Variants in PER2 observed in about 807,000 individuals in gnomAD.
The protein encoded by PER2 is period circadian regulator 2.
In PER2, 66 loss-of-function variants were observed where a neutral mutation model predicts 121.0. That is an observed-to-expected ratio of 0.55 (90% CI 0.45 to 0.67). The LOEUF is 0.67. PER2 is among the 30% of genes least tolerant of loss of function. PER2 has a pLI of 0.00. For missense variants in PER2, 1,521 were observed against 1,635.0 expected (o/e 0.93, Z 1.20); for synonymous variants, 684 against 659.9 (o/e 1.04, Z -0.56).
Position 238,252,717 on chromosome 2 carries a change from G to T in PER2, c.3111+195C>A, listed in dbSNP as rs1217786813. Among the ~76,000 whole-genome samples, 1 of 152,200 alleles carries T rather than the reference G, an allele frequency of 6.6e-6. No individual in the cohort carries two copies. Among genetic ancestry groups the T allele is most frequent in the African/African-American group, 2.4e-5 (1 of 41,430 alleles). ...CATTCAGATTCCACGACAATAAAAG[G>T]CTTCGAATAATCTACTCTGATAGGA... is the stretch of plus-strand genomic sequence containing the variant. On this transcript the variant is annotated intron_variant, in intron 19 of 22. Transcript: ENST00000254657. This position sits in a 1 kb window ranked among gnomAD's most constrained non-coding sequence, Gnocchi z 4.2.
chr2:238,258,729 G>A (rs1364174188), intron 14 of PER2, 85 bp from the exon 15 acceptor site: 2 of 1,361,694 alleles, frequency 1.5e-6, no homozygotes, highest in Non-Finnish European at 2.1e-6. Context: ...CGTTCTACCT[G>A]AAGACAGGGC....
rs755131664 is a variant in PER2 at position 238,255,650 on chromosome 2, C to G, written c.2320+7G>C. 15 of 1,614,198 alleles carry G rather than the reference C, an allele frequency of 9.3e-6. No homozygotes were observed. Among genetic ancestry groups the G allele is most frequent in the Admixed American group, 1.7e-5 (1 of 60,034 alleles). On this transcript the variant is annotated splice_region_variant and intron_variant, in intron 18 of 22. Transcript: ENST00000254657. The stretch of plus-strand genomic sequence containing the variant: ...TAAAACGCACTTTTAATTCGGGTAT[C>G]ACTTACTTCGTTCACTTGGCTGCCC...
In PER2 at chr2:238,252,824, C is replaced by G. The variant is rs1034837596; in HGVS notation, c.3111+88G>C. On this transcript the variant is annotated intron_variant, in intron 19 of 22. Transcript: ENST00000254657. This position sits in a 1 kb window ranked among gnomAD's most constrained non-coding sequence, Gnocchi z 4.2. ...TGGTGGAAACCTCAATCGTGTAACC[C>G]CCATGTCTGAACTGAGGATGTGCGG... 1.8e-5 allele frequency: 20 copies of G among 1,138,720 alleles called. No individual in the cohort carries two copies. The highest frequency in any genetic ancestry group is 1.2e-4 in the Admixed American group (7 of 59,426). 70.5% of individuals were successfully genotyped at this position (1,138,720 alleles called of 1,614,324 possible). A position where few individuals can be genotyped will look rare whatever the true frequency, so the allele number is the denominator to read the frequency against.
At chr2:238,255,350 G>A in intron 18 of PER2, 1 of 477,276 alleles carries the variant, frequency 2.1e-6, no homozygotes, top group Non-Finnish European at 3.8e-6. Context: ...TCCAGGTGGG[G>A]CCCCTGCCCA....
At chr2:238,267,971 C>G in intron 8 of PER2, 85 bp downstream of exon 8, 1 of 1,484,172 alleles carries the variant, frequency 6.7e-7, no homozygotes, top group Non-Finnish European at 9.3e-7. Flanking sequence ...GGGAGTCCAT[C>G]GTACAGATGT....
intron 5 of PER2, 141 bp downstream of exon 5, chr2:238,272,929 T>C: frequency 2.6e-6 from 2 of 771,258 alleles, no homozygotes; most frequent in Non-Finnish European, 4.5e-6. Context: ...GACTTCACAT[T>C]CTTCCTTTTA....
intron 10 of PER2, among the ~76,000 whole-genome samples, 182 bp downstream of exon 10, chr2:238,262,770 C>G (rs1028937875): frequency 7.2e-5 from 11 of 152,174 alleles, no homozygotes; most frequent in Non-Finnish European, 1.5e-4. Flanking sequence ...TGAGTTTACC[C>G]CTCTCTCTCG....
rs1375204520 is a variant in PER2, at chr2:238,246,234, ATGT to A, written c.*138_*140del. ...TTTTAAGTCGCCCCTTCAGAAAACTATGTTGTTTTTTTTTCTAAAACAAAAAAA... is the reference window on the plus strand; with the variant it reads ...TTTTAAGTCGCCCCTTCAGAAAACTATGTTTTTTTTTCTAAAACAAAAAAA... On this transcript the variant is annotated 3_prime_UTR_variant, in exon 23 of 23. Coordinates refer to ENST00000254657, the MANE Select transcript of PER2 (RefSeq NM_022817.3). 1.8e-6 allele frequency: 1 copy of A among 557,136 alleles called. No homozygotes were observed. The highest frequency in any genetic ancestry group is 3.1e-5 in the East Asian group (1 of 32,660). 34.5% of individuals were successfully genotyped at this position (557,136 alleles called of 1,614,324 possible). A position where few individuals can be genotyped will look rare whatever the true frequency, so the allele number is the denominator to read the frequency against.
Position 238,277,184 on chromosome 2 carries a change from G to A in PER2, c.240C>T (p.Thr80=). 1.2e-6 allele frequency: 2 copies of A among 1,612,244 alleles called. No homozygotes were observed. The highest frequency in any genetic ancestry group is 2.2e-5 in the South Asian group (2 of 91,042). The change falls in exon 3 of 23, where the codon ACC becomes ACT. Residue 80 remains threonine (T), a synonymous_variant. Coordinates refer to ENST00000254657, the MANE Select transcript of PER2 (RefSeq NM_022817.3). ...EPPDARQSPD[T]FSLMMAKSEH... ...CAGATTTTGCCATCATCAGGCTAAA[G>A]GTATCTGGACTATGAAAACAAAAAA... is the stretch of plus-strand genomic sequence containing the variant.
At chr2:238,261,882 G>C in intron 11 of PER2, 45 bp from the exon 12 acceptor site, 4 of 1,358,896 alleles carry the variant, frequency 2.9e-6, no homozygotes, top group Non-Finnish European at 4.1e-6. Context: ...CCCACAGGAG[G>C]ACCTCTCTGG....
At chr2:238,261,146 C>A (rs572296515) in intron 12 of PER2, among the ~76,000 whole-genome samples, 193 bp from the exon 13 acceptor site, 13 of 152,350 alleles carry the variant, frequency 8.5e-5, no homozygotes, top group Admixed American at 5.2e-4. Context: ...AGCCGCGGTG[C>A]CCCGACCCAG....
chr2:238,276,934 C>G (rs375355441), intron 3 of PER2, among the ~76,000 whole-genome samples, 197 bp downstream of exon 3: 1 of 152,080 alleles, frequency 6.6e-6, no homozygotes. Flanking sequence ...AGCGACATCC[C>G]GGGGGCTCTG....
rs766394652 is a variant in PER2 at position 238,252,911 on chromosome 2, C to T, written c.3111+1G>A. 8.1e-6 allele frequency: 13 copies of T among 1,612,688 alleles called. No homozygotes were observed. Among genetic ancestry groups the T allele is most frequent in the South Asian group, 5.5e-5 (5 of 91,024 alleles). ...GGGAAAGAGCATCAGAAAATCCTTA[C>T]GGTCAGAGGCGCCTTCGGCTGCTGG... On this transcript the variant is annotated splice_donor_variant, in intron 19 of 22. Transcript: ENST00000254657. LOFTEE classifies it high-confidence loss of function. The surrounding 1 kb of genome is among the most constrained non-coding windows in gnomAD (Gnocchi z 4.2).
Position 238,253,346 on chromosome 2 carries a change from G to A in PER2, c.2677C>T (p.Pro893Ser). 1 of 1,613,690 alleles carries A rather than the reference G, an allele frequency of 6.2e-7. No individual in the cohort carries two copies. The highest frequency in any genetic ancestry group is 8.5e-7 in the Non-Finnish European group (1 of 1,179,780). The part of the protein sequence containing the change: ...VDLQHQFAVQ[P>S]PPFPAPLAPV... ...GCCAAAGGGGCAGGGAAAGGTGGGGGCTGGACTGCAAACTGGTGCTGGAGG... is the reference window on the plus strand; with the variant it reads ...GCCAAAGGGGCAGGGAAAGGTGGGGACTGGACTGCAAACTGGTGCTGGAGG... Residue 893 changes from proline to serine, a missense_variant, in exon 19 of 23, where the codon CCC (proline) becomes TCC (serine). Transcript: ENST00000254657. The surrounding 1 kb of genome is among the most constrained non-coding windows in gnomAD (Gnocchi z 5.6).
intron 1 of PER2, among the ~76,000 whole-genome samples, chr2:238,283,115 A>T (rs1012122695): frequency 2.6e-5 from 4 of 152,198 alleles, no homozygotes; most frequent in Non-Finnish European, 4.4e-5. Context: ...GCAGCTGGAT[A>T]GGAGGGAGAG....
the PER2 span, chr2:238,295,702 G>A: frequency 9.7e-5 from 15 of 155,030 alleles, no homozygotes; most frequent in African/African-American, 2.2e-4. Flanking sequence ...AAGACTGCCC[G>A]TGTACTCATC....
upstream of PER2, among the ~76,000 whole-genome samples, chr2:238,294,146 C>T (rs1336617478): frequency 6.6e-6 from 1 of 152,200 alleles, no homozygotes; most frequent in African/African-American, 2.4e-5. Flanking sequence ...GAGGGTCTCT[C>T]ATCGGTCAGG....
intron 21 of PER2, 100 bp from the exon 22 acceptor site, chr2:238,249,312 G>T: frequency 7.9e-7 from 1 of 1,273,234 alleles, no homozygotes; most frequent in Admixed American, 2.2e-5. Context: ...TTTGTTTAAT[G>T]CAAATTTCCT....
chr2:238,292,141 G>A (rs1393061974), upstream of PER2, among the ~76,000 whole-genome samples: 1 of 152,240 alleles, frequency 6.6e-6, no homozygotes, highest in Non-Finnish European at 1.5e-5. Flanking sequence ...CTGGGCAACA[G>A]AGCAAGACTG....
Sources: allele counts gnomAD v4.1 joint callset (sites outside exome capture counted in the v4.1 genomes callset), GRCh38; gene constraint gnomAD v4.1.1; non-coding constraint Gnocchi (gnomAD v3.1); transcripts MANE v1.5; gene names NCBI Gene and HGNC (gene_info 2026-07-23, HGNC 2026-07-21).